The following CASKIN2 variants were observed in gnomAD, a reference collection of about 807,000 sequenced individuals.
CASKIN2 encodes the protein CASK interacting protein 2, also known as caskin-2.
A neutral mutation model predicts 107.1 loss-of-function variants in CASKIN2; 41 were observed. That is an observed-to-expected ratio of 0.38 (90% CI 0.30 to 0.50). CASKIN2 has a LOEUF of 0.50. CASKIN2 is among the 20% of genes least tolerant of loss of function. CASKIN2 has a pLI of 0.92. For synonymous variants in CASKIN2, 724 were observed against 705.6 expected, an observed-to-expected ratio of 1.03 and a Z score of -0.41; for missense variants, 1,546 against 1,657.4, an observed-to-expected ratio of 0.93 and a Z score of 1.17.
intron 19 of CASKIN2, 129 bp downstream of exon 19, chr17:75,501,339 A>T: frequency 8.1e-7 from 1 of 1,241,586 alleles, no homozygotes. Context: ...GGTGATTTCA[A>T]CACCTGGCCT....
In CASKIN2 at chr17:75,508,214, G is replaced by A; in HGVS notation, c.146+20C>T. 6.2e-7 allele frequency: 1 copy of A among 1,613,612 alleles called. No individual in the cohort carries two copies. The highest frequency in any genetic ancestry group is 8.5e-7 in the Non-Finnish European group (1 of 1,179,772). Reference sequence around the variant, plus strand: ...GCCCCCACCCAGCAGCTCTGCAGAGGGACAGGGGCTCCCACTCACCCATCA... The same window carrying A: ...GCCCCCACCCAGCAGCTCTGCAGAGAGACAGGGGCTCCCACTCACCCATCA... On this transcript the variant is annotated intron_variant, in intron 3 of 19. Coordinates refer to ENST00000321617, the MANE Select transcript of CASKIN2 (RefSeq NM_020753.5).
At position 75,506,594 on chromosome 17, in the gene CASKIN2, T is replaced by C. The variant is rs1226845569; in HGVS notation, c.606A>G (p.Arg202=). Residue 202 remains arginine, a synonymous_variant, in exon 7 of 20, where the codon AGA becomes AGG. Transcript: ENST00000321617. The surrounding 1 kb of genome is among the most constrained non-coding windows in gnomAD (Gnocchi z 4.8). ...PLHLAAKNGH[R]EVIRQLLRAG... The stretch of plus-strand genomic sequence containing the variant: ...GACCCCAAGGGTACCTGATGACTTC[T>C]CTGTGGCCATTCTTGGCAGCCAAGT... 8.7e-6 allele frequency: 14 copies of C among 1,613,106 alleles called. No homozygotes were observed. Among genetic ancestry groups the C allele is most frequent in the Middle Eastern group, 3.3e-4 (2 of 6,080 alleles).
Position 75,504,922 on chromosome 17 carries a change from G to T in CASKIN2, c.1082C>A (p.Thr361Asn). 6.2e-7 allele frequency: 1 copy of T among 1,608,888 alleles called. No homozygotes were observed. Among genetic ancestry groups the T allele is most frequent in the Non-Finnish European group, 8.5e-7 (1 of 1,177,668 alleles). The change falls in exon 11 of 20, where the codon ACC (threonine) becomes AAC (asparagine). Residue 361 changes from threonine (T) to asparagine (N), a missense_variant. This residue lies in a region of CASKIN2 where 1,311 missense variants were observed against 1,311.0 expected (regional missense o/e 1.00). Coordinates refer to ENST00000321617, the MANE Select transcript of CASKIN2 (RefSeq NM_020753.5). ...CCGGGAGAAGCCTGGGCGCAGGGGG[G>T]TGGGTGCGGAGGGGAGGCGGGCTGC... is the stretch of plus-strand genomic sequence containing the variant. Reference protein sequence around the residue: ...IPAARLPSAPTPLRPGFSRTP... With the variant: ...IPAARLPSAPNPLRPGFSRTP...
At position 75,505,481 on chromosome 17, in the gene CASKIN2, G is replaced by A. The variant is rs1444508020; in HGVS notation, c.930+76C>T. ...TATAGAGACCTCAGAGCAGAACGTG[G>A]TAACATAGCAGGTGCCCAAATAAGT... On this transcript the variant is annotated intron_variant, in intron 10 of 19. Coordinates refer to ENST00000321617, the MANE Select transcript of CASKIN2 (RefSeq NM_020753.5). This position sits in a 1 kb window ranked among gnomAD's most constrained non-coding sequence, Gnocchi z 5.1. 3 of 1,380,386 alleles carry A rather than the reference G, an allele frequency of 2.2e-6. No individual in the cohort carries two copies. The highest frequency in any genetic ancestry group is 1.7e-5 in the Admixed American group (1 of 59,604). 85.5% of individuals were successfully genotyped at this position (1,380,386 alleles called of 1,614,324 possible). A position where few individuals can be genotyped will look rare whatever the true frequency, so the allele number is the denominator to read the frequency against.
chr17:75,508,192 C>T (rs746365066), intron 3 of CASKIN2, 42 bp downstream of exon 3: 23 of 1,610,604 alleles, frequency 1.4e-5, no homozygotes, highest in Non-Finnish European at 2.0e-5. Flanking sequence ...CTCTACTGCC[C>T]CCACCCAGCA....
chr17:75,501,166 G>C lies in CASKIN2; in HGVS notation c.3523C>G (p.Pro1175Ala), dbSNP rs1440817050. ...AGAATGTGCTTGGTGGAGGCGCTGG[G>C]GGTGCTGCAGCAAGGGGAAGGATGC... ...SIGTKEQEGTPSASTKHILDD... is the reference protein window; with the variant it reads ...SIGTKEQEGTASASTKHILDD... Residue 1175 changes from proline (P) to alanine (A), a missense_variant, in exon 20 of 20, where the codon CCC becomes GCC. Pro to Ala is a conservative substitution (Grantham distance 27). This residue lies in a region of CASKIN2 where 1,311 missense variants were observed against 1,311.0 expected (regional missense o/e 1.00). Transcript: ENST00000321617. 1 of 1,584,880 alleles carries C rather than the reference G, an allele frequency of 6.3e-7. No individual in the cohort carries two copies. Among genetic ancestry groups the C allele is most frequent in the South Asian group, 1.1e-5 (1 of 87,060 alleles).
intron 2 of CASKIN2, among the ~76,000 whole-genome samples, chr17:75,511,471 C>A (rs933972268): frequency 1.3e-5 from 2 of 152,322 alleles, no homozygotes; most frequent in South Asian, 2.1e-4. Context: ...AAGTCACTAA[C>A]CCTCTCTGAG....
intron 16 of CASKIN2, 48 bp from the exon 17 acceptor site, chr17:75,503,575 C>G: frequency 6.2e-7 from 1 of 1,603,098 alleles, no homozygotes; most frequent in Non-Finnish European, 8.5e-7. Context: ...CCTCCGCCCC[C>G]AGCCAGAGGA....
In CASKIN2 at chr17:75,504,684, C is replaced by T; in HGVS notation, c.1202G>A (p.Arg401Lys). The T allele has an allele frequency of 6.3e-7, 1 of 1,594,120 alleles. No homozygotes were observed. The highest frequency in any genetic ancestry group is 8.6e-7 in the Non-Finnish European group (1 of 1,167,880). ...GLSPDSPAGD[R>K]NSVGSEGSVG... ...GCTGCCCTCACTGCCCACACTATTC[C>T]TGTCACCTGCTGTGGGGGGCAGAAG... Residue 401 changes from arginine to lysine, a missense_variant, in exon 12 of 20, where the codon AGG becomes AAG. Arg to Lys is a conservative substitution (Grantham distance 26). Around this residue, in one of 6 missense-constraint regions of CASKIN2, gnomAD observed 1,311 missense variants for 1,311.0 expected, o/e 1.00. Transcript: ENST00000321617.
In CASKIN2 at chr17:75,504,899, G is replaced by A. The variant is rs138987208; in HGVS notation, c.1105C>T (p.Arg369Trp). ...APTPLRPGFS[R>W]TPQPPAEEPP... ...TCTTCGGCAGGAGGCTGCGGTGTCCGGGAGAAGCCTGGGCGCAGGGGGGTG... is the reference window on the plus strand; with the variant it reads ...TCTTCGGCAGGAGGCTGCGGTGTCCAGGAGAAGCCTGGGCGCAGGGGGGTG... The change falls in exon 11 of 20, where the codon CGG becomes TGG. Residue 369 changes from arginine to tryptophan, a missense_variant. Arg to Trp is a moderately radical substitution (Grantham distance 101). Around this residue, in one of 6 missense-constraint regions of CASKIN2, gnomAD observed 1,311 missense variants for 1,311.0 expected, o/e 1.00. Coordinates refer to ENST00000321617, the MANE Select transcript of CASKIN2 (RefSeq NM_020753.5). 37 of 1,609,726 alleles carry A rather than the reference G, an allele frequency of 2.3e-5. No individual in the cohort carries two copies. The highest frequency in any genetic ancestry group is 8.8e-5 in the South Asian group (8 of 90,862).
In CASKIN2 at chr17:75,502,647, C is replaced by T. The variant is rs1482907999; in HGVS notation, c.2427G>A (p.Gly809=). 2 of 1,605,522 alleles carry T rather than the reference C, an allele frequency of 1.2e-6. No individual in the cohort carries two copies. Among genetic ancestry groups the T allele is most frequent in the African/African-American group, 2.7e-5 (2 of 74,794 alleles). The part of the protein sequence containing the change: ...HSLSRPGPTE[G]DAEGEAEGPV... ...GCCCTTCGGCCTCCCCCTCAGCATC[C>T]CCCTCTGTGGGGCCAGGGCGGCTTA... The change falls in exon 18 of 20, where the codon GGG becomes GGA. Residue 809 remains glycine (G), a synonymous_variant. Transcript: ENST00000321617. This position sits in a 1 kb window ranked among gnomAD's most constrained non-coding sequence, Gnocchi z 4.3.
intron 2 of CASKIN2, among the ~76,000 whole-genome samples, chr17:75,508,592 C>T (rs914005286): frequency 3.9e-5 from 6 of 152,220 alleles, no homozygotes; most frequent in East Asian, 1.9e-4. Flanking sequence ...GACAGGCCCA[C>T]GGTGTGCATG....
rs1018783335 is a variant in CASKIN2, at chr17:75,500,749, C to T, written c.*331G>A. 3.2e-6 allele frequency: 1 copy of T among 316,628 alleles called. No homozygotes were observed. The highest frequency in any genetic ancestry group is 4.7e-5 in the Admixed American group (1 of 21,334). The allele number at this position is 316,628 out of a possible 1,614,324, so 19.6% of individuals were successfully genotyped here. A position where few individuals can be genotyped will look rare whatever the true frequency, so the allele number is the denominator to read the frequency against. ...TGGGCTGGGGGGTACAGAGAAAGCACCCCCAAAGCCCCACCCCTACTTCCT... is the reference window on the plus strand; with the variant it reads ...TGGGCTGGGGGGTACAGAGAAAGCATCCCCAAAGCCCCACCCCTACTTCCT... On this transcript the variant is annotated 3_prime_UTR_variant, in exon 20 of 20. Coordinates refer to ENST00000321617, the MANE Select transcript of CASKIN2 (RefSeq NM_020753.5).
In CASKIN2 at chr17:75,505,648, G is replaced by A. The variant is rs1454317488; in HGVS notation, c.839C>T (p.Ala280Val). The A allele has an allele frequency of 6.2e-7, 1 of 1,612,706 alleles. No individual in the cohort carries two copies. The highest frequency in any genetic ancestry group is 8.5e-7 in the Non-Finnish European group (1 of 1,179,768). Reference protein sequence around the residue: ...SREIKQLLREASGILKVRALK... With the variant: ...SREIKQLLREVSGILKVRALK... ...CGCTCGGACCTTCAGGATCCCTGAG[G>A]CCTCTAAGAAAACGGGGTGGGGGAC... is the stretch of plus-strand genomic sequence containing the variant. The change falls in exon 10 of 20, where the codon GCC (alanine) becomes GTC (valine). Residue 280 changes from alanine to valine, a missense_variant. By Grantham distance (64) the Ala-to-Val change is moderately conservative. Transcript: ENST00000321617. The surrounding 1 kb of genome is among the most constrained non-coding windows in gnomAD (Gnocchi z 5.1).
Position 75,506,052 on chromosome 17 carries a change from G to C in CASKIN2, c.727-123C>G. ...CGATTTTACAGATGAGGACATAGAG[G>C]CTCAGGGACTCAGTCAAGGACAAGC... On this transcript the variant is annotated intron_variant, in intron 8 of 19. Transcript: ENST00000321617. This position sits in a 1 kb window ranked among gnomAD's most constrained non-coding sequence, Gnocchi z 4.8. 2 of 828,742 alleles carry C rather than the reference G, an allele frequency of 2.4e-6. No individual in the cohort carries two copies. The highest frequency in any genetic ancestry group is 1.7e-5 in the South Asian group (1 of 59,626). The allele number at this position is 828,742 out of a possible 1,614,324, so 51.3% of individuals were successfully genotyped here.
In CASKIN2 at chr17:75,503,717, T is replaced by A; in HGVS notation, c.1622A>T (p.Lys541Met). The A allele has an allele frequency of 6.2e-7, 1 of 1,612,620 alleles. No homozygotes were observed. The highest frequency in any genetic ancestry group is 8.5e-7 in the Non-Finnish European group (1 of 1,179,992). ...IGVTKPGHRKKIASEIAQLSI... is the reference protein window; with the variant it reads ...IGVTKPGHRKMIASEIAQLSI... ...GAGCTGAGCGATCTCTGAGGCGATC[T>A]TCTTCCTGTGCCCAGGCTTGGTCAC... Residue 541 changes from lysine to methionine, a missense_variant, in exon 16 of 20, where the codon AAG becomes ATG. Around this residue, in one of 6 missense-constraint regions of CASKIN2, gnomAD observed 1,311 missense variants for 1,311.0 expected, o/e 1.00. Transcript: ENST00000321617.
In CASKIN2 at chr17:75,502,697, G is replaced by C; in HGVS notation, c.2377C>G (p.Arg793Gly). The change falls in exon 18 of 20, where the codon CGA becomes GGA. Residue 793 changes from arginine (R) to glycine (G), a missense_variant. Transcript: ENST00000321617. The surrounding 1 kb of genome is among the most constrained non-coding windows in gnomAD (Gnocchi z 4.3). The stretch of plus-strand genomic sequence containing the variant: ...AGGCTGTGGGACCGGCGCTTAGGTC[G>C]AGGCGGGTCTGGGGGAGTGGCAGGG... ...GPPATPPDPP[R>G]PKRRSHSLSR... The C allele has an allele frequency of 3.1e-6, 5 of 1,594,392 alleles. No homozygotes were observed. Among genetic ancestry groups the C allele is most frequent in the Non-Finnish European group, 4.3e-6 (5 of 1,168,934 alleles).
At chr17:75,507,309 C>T (rs2053276215) in intron 4 of CASKIN2, among the ~76,000 whole-genome samples, 180 bp from the exon 5 acceptor site, 1 of 152,192 alleles carries the variant, frequency 6.6e-6, no homozygotes, top group African/African-American at 2.4e-5. Context: ...AGCCAGAGTC[C>T]TGCTGTGCCC....
rs2053229812 is a variant in CASKIN2 at position 75,503,687 on chromosome 17, A to G, written c.1652T>C (p.Ile551Thr). The change falls in exon 16 of 20, where the codon ATC becomes ACC. Residue 551 changes from isoleucine to threonine, a missense_variant. Ile to Thr is a moderately conservative substitution (Grantham distance 89). Around this residue, in one of 6 missense-constraint regions of CASKIN2, gnomAD observed 1,311 missense variants for 1,311.0 expected, o/e 1.00. Transcript: ENST00000321617. ...KIASEIAQLS[I>T]AEWLPSYIPT... ...GATGTAGCTGGGCAGCCACTCGGCG[A>G]TGCTGAGCTGAGCGATCTCTGAGGC... The G allele has an allele frequency of 5.0e-6, 8 of 1,612,376 alleles. No individual in the cohort carries two copies. Among genetic ancestry groups the G allele is most frequent in the Non-Finnish European group, 6.8e-6 (8 of 1,179,994 alleles).
Sources: allele counts gnomAD v4.1 joint callset (sites outside exome capture counted in the v4.1 genomes callset), GRCh38; gene constraint gnomAD v4.1.1; regional missense constraint gnomAD v4.1.1; non-coding constraint Gnocchi (gnomAD v3.1); transcripts MANE v1.5; gene names NCBI Gene and HGNC (gene_info 2026-07-23, HGNC 2026-07-21).